Variants in CUL2 observed in about 807,000 individuals in gnomAD.
CUL2 encodes the protein cullin-2.
Under a neutral mutation model 110.2 loss-of-function variants are expected in CUL2, and 22 were observed. That is an observed-to-expected ratio of 0.20 (90% CI 0.14 to 0.28). The LOEUF is 0.28. Ranked by LOEUF, CUL2 falls within the 10% of genes least tolerant of loss-of-function variation. The pLI, the probability that CUL2 is intolerant of heterozygous loss-of-function variation, is 1.00. For synonymous variants in CUL2, 279 were observed against 293.2 expected (o/e 0.95, Z 0.49); for missense variants, 631 against 905.5 (o/e 0.70, Z 3.89).
Position 35,009,053 on chromosome 10 carries a change from C to G in CUL2, c.*1258G>C, listed in dbSNP as rs1262046682. 1 of 151,464 alleles carries G rather than the reference C, an allele frequency of 6.6e-6. No individual in the cohort carries two copies. Among genetic ancestry groups the G allele is most frequent in the Non-Finnish European group, 1.5e-5 (1 of 67,906 alleles). The allele number at this position is 151,464 out of a possible 1,614,324, so 9.4% of individuals were successfully genotyped here. On this transcript the variant is annotated 3_prime_UTR_variant, in exon 21 of 21. Coordinates refer to ENST00000374749, the MANE Select transcript of CUL2 (RefSeq NM_003591.4). ...CTAGCCTGGGAAACATGGCGAAACC[C>G]CGTCTCTTATTTTTTTTAAAATAAA...
In CUL2 at chr10:35,031,598, A is replaced by G. The variant is rs2134721321; in HGVS notation, c.1192T>C (p.Leu398=). ...PELLAKYCDN[L]LKKSAKGMTE... ...ATCCCTTTCGCTGACTTCTTCAGTAAGTTGTCACAGTACTTAGCAAGCTCA... is the reference window on the plus strand; with the variant it reads ...ATCCCTTTCGCTGACTTCTTCAGTAGGTTGTCACAGTACTTAGCAAGCTCA... Residue 398 remains leucine, a synonymous_variant, in exon 13 of 21, where the codon TTA becomes CTA. Transcript: ENST00000374749. This position sits in a 1 kb window ranked among gnomAD's most constrained non-coding sequence, Gnocchi z 4.4. The G allele has an allele frequency of 6.2e-7, 1 of 1,614,144 alleles. No individual in the cohort carries two copies. The highest frequency in any genetic ancestry group is 2.2e-5 in the East Asian group (1 of 44,884).
intron 1 of CUL2, among the ~76,000 whole-genome samples, chr10:35,077,873 G>A (rs1407228224): frequency 1.1e-4 from 17 of 151,594 alleles, no homozygotes; most frequent in Admixed American, 1.1e-3. Flanking sequence ...ATTTACAGAT[G>A]TAATGATATG....
intron 1 of CUL2, among the ~76,000 whole-genome samples, chr10:35,104,956 C>T (rs1455193499): frequency 6.6e-6 from 1 of 151,624 alleles, no homozygotes; most frequent in African/African-American, 2.4e-5. Flanking sequence ...CTCGAATTCC[C>T]GACCTCAGAT....
chr10:35,061,017 C>T (rs2086367728), intron 3 of CUL2, 49 bp from the exon 4 acceptor site: 1 of 1,535,662 alleles, frequency 6.5e-7, no homozygotes, highest in Non-Finnish European at 8.9e-7. Flanking sequence ...TAATCATTTT[C>T]ACTGTCAACA....
At chr10:35,054,316 T>C (rs952231972) in intron 5 of CUL2, 118 bp downstream of exon 5, 1 of 597,498 alleles carries the variant, frequency 1.7e-6, no homozygotes, top group Non-Finnish European at 2.9e-6. Flanking sequence ...TAGGATCTTT[T>C]AAATCTTGAC....
chr10:35,017,185 T>C (rs1294124573), intron 17 of CUL2, among the ~76,000 whole-genome samples: 1 of 152,110 alleles, frequency 6.6e-6, no homozygotes, highest in East Asian at 1.9e-4. Flanking sequence ...TAAGCTGTAA[T>C]TTCTGCCAAA....
chr10:35,038,235 A>C (rs1442657904), intron 9 of CUL2, among the ~76,000 whole-genome samples: 3 of 150,638 alleles, frequency 2.0e-5, no homozygotes, highest in Middle Eastern at 3.4e-3. Context: ...TTTTTTTAAA[A>C]ATCAGAGAGG....
chr10:35,065,746 C>T (rs1377403356), intron 2 of CUL2, among the ~76,000 whole-genome samples: 1 of 152,006 alleles, frequency 6.6e-6, no homozygotes, highest in African/African-American at 2.4e-5. Flanking sequence ...GTAATGCCAG[C>T]TACTCGGGAG....
At chr10:35,036,114 A>G (rs552437514) in intron 9 of CUL2, among the ~76,000 whole-genome samples, 5 of 152,182 alleles carry the variant, frequency 3.3e-5, no homozygotes, top group Non-Finnish European at 7.4e-5. Context: ...CCTCCTTCCA[A>G]TCACACACTC....
intron 17 of CUL2, among the ~76,000 whole-genome samples, chr10:35,016,991 GA>G (rs2085052034): frequency 6.7e-6 from 1 of 149,298 alleles, no homozygotes; most frequent in Admixed American, 6.7e-5. Context: ...GACTTAGGCA[GA>G]AAAAGAAAAG....
At chr10:35,047,261 A>G (rs1345414578) in intron 6 of CUL2, among the ~76,000 whole-genome samples, 1 of 152,194 alleles carries the variant, frequency 6.6e-6, no homozygotes, top group East Asian at 1.9e-4. Context: ...ATTCTCTATG[A>G]TAGTTCCTCA....
intron 1 of CUL2, among the ~76,000 whole-genome samples, chr10:35,080,467 T>TTATTTATG (rs2086920450): frequency 6.8e-6 from 1 of 146,176 alleles, no homozygotes; most frequent in Admixed American, 6.7e-5. Flanking sequence ...ATTTATTTAT[T>TTATTTATG]TATTTATTTA....
At chr10:35,065,477 G>A (rs1466620644) in intron 2 of CUL2, among the ~76,000 whole-genome samples, 3 of 152,090 alleles carry the variant, frequency 2.0e-5, no homozygotes, top group East Asian at 3.9e-4. Context: ...AAAATTAGCC[G>A]GCGTGGTGAC....
chr10:35,083,266 A>G (rs993651100), intron 1 of CUL2, among the ~76,000 whole-genome samples: 1 of 152,208 alleles, frequency 6.6e-6, no homozygotes, highest in African/African-American at 2.4e-5. Flanking sequence ...ATCCTGTGGT[A>G]ATGAGTTGTA....
At chr10:35,017,869 C>T (rs576749989) in intron 17 of CUL2, among the ~76,000 whole-genome samples, 5 of 128,490 alleles carry the variant, frequency 3.9e-5, no homozygotes, top group Middle Eastern at 3.9e-3. Flanking sequence ...ATGTTCCATA[C>T]GTGTTTAAAA....
At chr10:35,025,843 A>G (rs2085324625) in intron 16 of CUL2, among the ~76,000 whole-genome samples, 1 of 152,230 alleles carries the variant, frequency 6.6e-6, no homozygotes, top group Non-Finnish European at 1.5e-5. Flanking sequence ...GGATGTGAAA[A>G]AGATAAAAAC....
At position 35,029,659 on chromosome 10, in the gene CUL2, A is replaced by G. The variant is rs116580183; in HGVS notation, c.1387-19T>C. ...AGGCTTGCTATAAAAAAGTTTTAGA[A>G]AATACATGAATTCAAAAGAAAAATA... On this transcript the variant is annotated intron_variant, in intron 14 of 20. Transcript: ENST00000374749. The G allele has an allele frequency of 5.2e-4, 815 of 1,556,070 alleles. 1 individual carries two copies. The African/African-American group carries it at 0.01, about 19-fold the overall frequency.
chr10:35,021,444 C>T lies in CUL2; in HGVS notation c.1684+3688G>A, dbSNP rs560802299. Among the ~76,000 whole-genome samples the T allele has an allele frequency of 2.9e-3, 439 of 149,968 alleles. 1 individual carries two copies. The highest frequency in any genetic ancestry group is 0.01 in the African/African-American group (408 of 40,450). ...TTTTATATATGTATGTATATATATA[C>T]ACACACACACATACATACACACACA... On this transcript the variant is annotated intron_variant, in intron 17 of 20. Transcript: ENST00000374749.
chr10:35,094,361 G>T (rs1301991742), upstream of CUL2, among the ~76,000 whole-genome samples: 2 of 151,960 alleles, frequency 1.3e-5, no homozygotes, highest in East Asian at 1.9e-4. Context: ...TCAGCCTCCC[G>T]AGTAGCTGAG....
Sources: gnomAD v4.1 joint callset for allele counts (sites outside exome capture counted in the v4.1 genomes callset) on GRCh38, gnomAD v4.1.1 for gene constraint, Gnocchi (gnomAD v3.1) non-coding constraint, MANE v1.5 for transcripts, NCBI Gene and HGNC (gene_info 2026-07-23, HGNC 2026-07-21) for gene names.